Variants in TBXT observed in about 807,000 individuals in gnomAD.
The protein encoded by TBXT is T-box transcription factor T.
Under a neutral mutation model 41.1 loss-of-function variants are expected in TBXT, and 19 were observed. The observed-to-expected ratio is 0.46, with a 90% CI of 0.32 to 0.68. The LOEUF (loss-of-function observed/expected upper bound fraction) is 0.68. TBXT is among the 30% of genes least tolerant of loss of function. TBXT has a pLI of 0.03. For synonymous variants in TBXT, 213 were observed against 238.9 expected (o/e 0.89, Z 1.00); for missense variants, 536 against 582.0 (o/e 0.92, Z 0.81).
At chr6:166,159,391 C>T (rs2128521403) in intron 7 of TBXT, among the ~76,000 whole-genome samples, 1 of 152,080 alleles carries the variant, frequency 6.6e-6, no homozygotes, top group African/African-American at 2.4e-5. Context: ...TAGAGTAACT[C>T]CAGTACAGAC....
At position 166,166,808 on chromosome 6, in the gene TBXT, G is replaced by C; in HGVS notation, c.255C>G (p.Asn85Lys). Residue 85 changes from asparagine to lysine, a missense_variant, in exon 2 of 8, where the codon AAC becomes AAG. Transcript: ENST00000366876. ...LKVNVSGLDP[N>K]AMYSFLLDFV... is the part of the protein sequence containing the mutation. ...AGTCCAGCAGGAAGGAGTACATGGC[G>C]TTGGGGTCCAGGCCAGACACGTTCA... The C allele has an allele frequency of 6.2e-7, 1 of 1,613,898 alleles. No individual in the cohort carries two copies. The highest frequency in any genetic ancestry group is 8.5e-7 in the Non-Finnish European group (1 of 1,180,050).
Position 166,164,839 on chromosome 6 carries a change from T to C in TBXT, c.629A>G (p.Tyr210Cys). ...AAGGAAAGCTTTTGCAAATGGATTG[T>C]ACTTAATTTTAAGAGCTGTGATCTG... Reference protein sequence around the residue: ...NEEITALKIKYNPFAKAFLDA... With the variant: ...NEEITALKIKCNPFAKAFLDA... Residue 210 changes from tyrosine to cysteine, a missense_variant, in exon 4 of 8, where the codon TAC (tyrosine) becomes TGC (cysteine). Physicochemically the swap from Tyr to Cys is radical, Grantham distance 194. Coordinates refer to ENST00000366876, the MANE Select transcript of TBXT (RefSeq NM_001366285.2). 6.2e-7 allele frequency: 1 copy of C among 1,612,866 alleles called. No homozygotes were observed. Among genetic ancestry groups the C allele is most frequent in the Non-Finnish European group, 8.5e-7 (1 of 1,179,944 alleles).
intron 1 of TBXT, 76 bp from the exon 2 acceptor site, chr6:166,166,932 G>T: frequency 1.2e-6 from 2 of 1,605,210 alleles, no homozygotes; most frequent in Middle Eastern, 1.7e-4. Flanking sequence ...GGGCACAGAG[G>T]CCTCAGTTAT....
chr6:166,163,800 A>G (rs138118642), intron 5 of TBXT, among the ~76,000 whole-genome samples: 4 of 152,370 alleles, frequency 2.6e-5, no homozygotes, highest in Non-Finnish European at 5.9e-5. Context: ...CACTGGAAGG[A>G]AGGGTGCAGA....
chr6:166,158,949 G>A (rs1167805507), intron 7 of TBXT, among the ~76,000 whole-genome samples: 5 of 152,214 alleles, frequency 3.3e-5, no homozygotes, highest in Non-Finnish European at 7.3e-5. Flanking sequence ...AAGGCAGGTG[G>A]ATCAGCTGAT....
At chr6:166,165,978 A>G (rs1450472265) in intron 2 of TBXT, 138 bp from the exon 3 acceptor site, 3 of 1,333,560 alleles carry the variant, frequency 2.2e-6, no homozygotes, top group Non-Finnish European at 3.2e-6. Context: ...GGGTTCCACC[A>G]GGGGAGGCTT....
intron 5 of TBXT, among the ~76,000 whole-genome samples, chr6:166,163,862 C>G (rs1779032363): frequency 2.6e-5 from 4 of 152,240 alleles, no homozygotes; most frequent in Admixed American, 2.6e-4. Context: ...TCACTCTACT[C>G]AAGTGACTGC....
chr6:166,162,470 T>G lies in TBXT; in HGVS notation c.884A>C (p.Tyr295Ser). 1 of 1,614,084 alleles carries G rather than the reference T, an allele frequency of 6.2e-7. No individual in the cohort carries two copies. ...ACTTGGAGAATTGTTCCGATGAGCA[T>G]AGGGGCTGGGGTAGGGTGAGGACCG... Reference protein sequence around the residue: ...SHRSSPYPSPYAHRNNSPTYS... With the variant: ...SHRSSPYPSPSAHRNNSPTYS... The change falls in exon 6 of 8, where the codon TAT (tyrosine) becomes TCT (serine). Residue 295 changes from tyrosine to serine, a missense_variant. Transcript: ENST00000366876.
Position 166,160,877 on chromosome 6 carries a change from G to C in TBXT, c.997C>G (p.Leu333Val). 4 of 1,614,124 alleles carry C rather than the reference G, an allele frequency of 2.5e-6. No individual in the cohort carries two copies. Among genetic ancestry groups the C allele is most frequent in the Non-Finnish European group, 3.4e-6 (4 of 1,180,024 alleles). The change falls in exon 7 of 8, where the codon CTC becomes GTC. Residue 333 changes from leucine to valine, a missense_variant. Leu to Val is a conservative substitution (Grantham distance 32). Coordinates refer to ENST00000366876, the MANE Select transcript of TBXT (RefSeq NM_001366285.2). ...GGGCTGGCATTGTGGCTCACGGGGA[G>C]CATGCTGGGATGGGCAGGCATTCCA... ...SLGMPAHPSMLPVSHNASPPT... is the reference protein window; with the variant it reads ...SLGMPAHPSMVPVSHNASPPT...
intron 3 of TBXT, 36 bp from the exon 4 acceptor site, chr6:166,164,897 C>T (rs765994365): frequency 2.2e-5 from 35 of 1,566,326 alleles, no homozygotes; most frequent in Middle Eastern, 2.3e-4. Context: ...TAGTATATTC[C>T]CTATTAGCCA....
In TBXT at chr6:166,160,824, G is replaced by A; in HGVS notation, c.1037+13C>T. 1.9e-6 allele frequency: 3 copies of A among 1,614,042 alleles called. No individual in the cohort carries two copies. The highest frequency in any genetic ancestry group is 1.3e-5 in the African/African-American group (1 of 75,050). ...CCCAGGATGCTTTGCACCAGGTCCT[G>A]GACATACATTACCTGGAGCTGGTAG... On this transcript the variant is annotated intron_variant, in intron 7 of 7. Transcript: ENST00000366876.
chr6:166,166,826 C>T lies in TBXT; in HGVS notation c.237G>A (p.Val79=), dbSNP rs1779132917. Reference sequence around the variant, plus strand: ...ACATGGCGTTGGGGTCCAGGCCAGACACGTTCACCTTCAGCACCGGAAACA... The same window carrying T: ...ACATGGCGTTGGGGTCCAGGCCAGATACGTTCACCTTCAGCACCGGAAACA... ...RRMFPVLKVN[V]SGLDPNAMYS... is the part of the protein sequence containing the mutation. The change falls in exon 2 of 8, where the codon GTG becomes GTA. Residue 79 remains valine (V), a synonymous_variant. Transcript: ENST00000366876. 6.2e-7 allele frequency: 1 copy of T among 1,613,770 alleles called. No individual in the cohort carries two copies. The highest frequency in any genetic ancestry group is 1.3e-5 in the African/African-American group (1 of 74,958).
intron 3 of TBXT, 134 bp downstream of exon 3, chr6:166,165,572 A>T: frequency 7.2e-7 from 1 of 1,387,836 alleles, no homozygotes; most frequent in Non-Finnish European, 1.0e-6. Context: ...CAAGTTCCGG[A>T]ATATTATTTG....
chr6:166,162,736 G>A, intron 5 of TBXT, 113 bp from the exon 6 acceptor site: 1 of 739,746 alleles, frequency 1.4e-6, no homozygotes, highest in Non-Finnish European at 2.3e-6. Context: ...CAGAGCCCAG[G>A]CCAGGGACTC....
chr6:166,166,966 GGGGAA>G, intron 1 of TBXT, 110 bp from the exon 2 acceptor site: 12 of 1,564,992 alleles, frequency 7.7e-6, no homozygotes, highest in Non-Finnish European at 1.0e-5. Context: ...GGAGCCCCCT[GGGGAA>G]CGTCCGAGGG....
At chr6:166,168,051 G>C (rs574311300), upstream of TBXT, among the ~76,000 whole-genome samples, 19 of 152,114 alleles carry the variant, frequency 1.2e-4, no homozygotes, top group South Asian at 3.3e-3. Flanking sequence ...ATGTAAATCC[G>C]GGGCCCCAGC....
rs1778852842 is a variant in TBXT at position 166,158,442 on chromosome 6, G to T, written c.1184C>A (p.Ser395Tyr). The stretch of plus-strand genomic sequence containing the variant: ...TTCGTACAGTGGGGATCCCGAGGAA[G>T]AGGGCGCCGAGACCGGATGGGTGAG... ...TPLTHPVSAP[S>Y]SSGSPLYEGA... The change falls in exon 8 of 8, where the codon TCT (serine) becomes TAT (tyrosine). Residue 395 changes from serine (S) to tyrosine (Y), a missense_variant. Physicochemically the swap from Ser to Tyr is moderately radical, Grantham distance 144. Transcript: ENST00000366876. 1.9e-6 allele frequency: 3 copies of T among 1,614,058 alleles called. No homozygotes were observed. The highest frequency in any genetic ancestry group is 3.3e-5 in the Admixed American group (2 of 60,014).
Position 166,158,283 on chromosome 6 carries a change from A to G in TBXT, c.*32T>C, listed in dbSNP as rs199931571. The G allele has an allele frequency of 5.6e-6, 9 of 1,614,248 alleles. No individual in the cohort carries two copies. Among genetic ancestry groups the G allele is most frequent in the Non-Finnish European group, 6.8e-6 (8 of 1,180,040 alleles). The stretch of plus-strand genomic sequence containing the variant: ...CCACTGGCTGCCACGACAAAAAGTC[A>G]CTGCATCTTTCGGGACCTGGGCCTT... On this transcript the variant is annotated 3_prime_UTR_variant, in exon 8 of 8. Transcript: ENST00000366876.
In TBXT at chr6:166,166,841, C is replaced by T. The variant is rs986529883; in HGVS notation, c.222G>A (p.Val74=). The change falls in exon 2 of 8, where the codon GTG becomes GTA. Residue 74 remains valine (V), a synonymous_variant. Coordinates refer to ENST00000366876, the MANE Select transcript of TBXT (RefSeq NM_001366285.2). ...CCAGGCCAGACACGTTCACCTTCAG[C>T]ACCGGAAACATCCTCCTGGAAAACA... The part of the protein sequence containing the change: ...VTKNGRRMFP[V]LKVNVSGLDP... The T allele has an allele frequency of 6.2e-7, 1 of 1,613,676 alleles. No homozygotes were observed. Among genetic ancestry groups the T allele is most frequent in the Non-Finnish European group, 8.5e-7 (1 of 1,180,050 alleles).
Sources: gnomAD v4.1 joint callset for allele counts (sites outside exome capture counted in the v4.1 genomes callset) on GRCh38, gnomAD v4.1.1 for gene constraint, MANE v1.5 for transcripts, NCBI Gene and HGNC (gene_info 2026-07-23, HGNC 2026-07-21) for gene names.